Variants in FMNL2 observed in about 807,000 individuals in gnomAD.
FMNL2 encodes the protein formin-like protein 2.
A neutral mutation model predicts 130.2 loss-of-function variants in FMNL2; 51 were observed. The ratio of observed to expected loss-of-function variants is 0.39; its 90% CI spans 0.31 to 0.49. The LOEUF is 0.49. Ranked by LOEUF, FMNL2 falls within the 20% of genes least tolerant of loss-of-function variation. FMNL2 has a pLI of 0.85. For synonymous variants in FMNL2, 465 were observed against 467.1 expected, an observed-to-expected ratio of 1.00 and a Z score of 0.06; for missense variants, 977 against 1,316.2, an observed-to-expected ratio of 0.74 and a Z score of 3.99.
chr2:152,485,999 A>G (rs960228366), intron 1 of FMNL2, among the ~76,000 whole-genome samples: 7 of 152,354 alleles, frequency 4.6e-5, no homozygotes, highest in Admixed American at 1.3e-4. Flanking sequence ...CAAACTTCTC[A>G]TCTCCGAGAA....
chr2:152,630,323 G>T (rs1361512711), intron 20 of FMNL2, among the ~76,000 whole-genome samples: 1 of 152,232 alleles, frequency 6.6e-6, no homozygotes, highest in East Asian at 1.9e-4. Context: ...TGCATGTACA[G>T]TTGAATCTCA....
chr2:152,459,683 A>G (rs1322413690), intron 1 of FMNL2, among the ~76,000 whole-genome samples: 1 of 152,214 alleles, frequency 6.6e-6, no homozygotes, highest in Non-Finnish European at 1.5e-5. Flanking sequence ...CCTATTGTAA[A>G]TAAAAGAAGT....
chr2:152,448,304 A>T (rs1035844539), intron 1 of FMNL2, among the ~76,000 whole-genome samples: 17 of 152,176 alleles, frequency 1.1e-4, no homozygotes, highest in African/African-American at 3.4e-4. Context: ...TTTTTGGATA[A>T]AAGTATTGGA....
chr2:152,533,215 T>C (rs1693804306), intron 2 of FMNL2, among the ~76,000 whole-genome samples: 1 of 152,210 alleles, frequency 6.6e-6, no homozygotes. Context: ...TATGTTTTAG[T>C]CTATAATCTA....
At chr2:152,450,933 G>A (rs1182243468) in intron 1 of FMNL2, among the ~76,000 whole-genome samples, 1 of 152,212 alleles carries the variant, frequency 6.6e-6, no homozygotes, top group African/African-American at 2.4e-5. Context: ...CTGGGATGTG[G>A]CAGGTCGCTG....
Position 152,543,077 on chromosome 2 carries a change from T to G in FMNL2, c.282+258T>G, listed in dbSNP as rs116033563. On this transcript the variant is annotated intron_variant, in intron 3 of 25. Transcript: ENST00000288670. ...TTGTTGAGTCACTGCTATTTCCAAT[T>G]ACGTAGGGCAGTGAGTGCATTCCAG... Among the ~76,000 whole-genome samples the G allele has an allele frequency of 8.5e-3, 1,290 of 152,346 alleles. 17 individuals carry two copies. The highest frequency in any genetic ancestry group is 0.028 in the African/African-American group (1,180 of 41,582).
At chr2:152,385,826 T>C (rs574366531) in intron 1 of FMNL2, among the ~76,000 whole-genome samples, 2 of 152,336 alleles carry the variant, frequency 1.3e-5, no homozygotes, top group East Asian at 3.9e-4. Flanking sequence ...AAGGCTTAAA[T>C]TGTGTTCTTA....
At chr2:152,403,167 C>G (rs535210898) in intron 1 of FMNL2, among the ~76,000 whole-genome samples, 1 of 151,432 alleles carries the variant, frequency 6.6e-6, no homozygotes, top group African/African-American at 2.4e-5. Flanking sequence ...TTATCACATG[C>G]TGATCCTTAT....
intron 1 of FMNL2, among the ~76,000 whole-genome samples, chr2:152,502,134 G>A (rs76175229): frequency 0.073 from 11,135 of 152,200 alleles, 653 homozygotes; most frequent in Admixed American, 0.21. Flanking sequence ...GCGAGGTGGC[G>A]CTAACAGAGT....
chr2:152,594,719 C>T (rs1697659810), intron 9 of FMNL2, among the ~76,000 whole-genome samples: 1 of 152,180 alleles, frequency 6.6e-6, no homozygotes, highest in Non-Finnish European at 1.5e-5. Context: ...GCTCCCCTGT[C>T]CTACCCCAAA....
chr2:152,343,482 G>T (rs923086746), intron 1 of FMNL2, among the ~76,000 whole-genome samples: 2 of 152,090 alleles, frequency 1.3e-5, no homozygotes, highest in South Asian at 4.1e-4. Flanking sequence ...TTTTAGTAGA[G>T]ACAAGGTTTC....
intron 1 of FMNL2, among the ~76,000 whole-genome samples, chr2:152,499,017 T>A (rs1691666497): frequency 6.6e-6 from 1 of 152,218 alleles, no homozygotes; most frequent in South Asian, 2.1e-4. Flanking sequence ...AAAGGGGCCC[T>A]TAGTTAATTA....
At chr2:152,643,162 T>C (rs1048569548) in intron 25 of FMNL2, among the ~76,000 whole-genome samples, 5 of 152,208 alleles carry the variant, frequency 3.3e-5, no homozygotes, top group African/African-American at 1.2e-4. Flanking sequence ...AAGAGGGGAA[T>C]GAGTATCTGT....
At position 152,504,466 on chromosome 2, in the gene FMNL2, C is replaced by T. The variant is rs553095671; in HGVS notation, c.118-17477C>T. On this transcript the variant is annotated intron_variant, in intron 1 of 25. Transcript: ENST00000288670. ...TTCACCATGTTGGTCAGGCTGGTCT[C>T]GAATTCCTGACTTCGTGATCCGCCT... Among the ~76,000 whole-genome samples the T allele has an allele frequency of 1.1e-4, 17 of 151,912 alleles. No homozygotes were observed. In the South Asian group the frequency reaches 3.1e-3, roughly 28 times the overall value.
intron 11 of FMNL2, 84 bp from the exon 12 acceptor site, chr2:152,614,767 A>AAAACAAAAC: frequency 1.7e-6 from 2 of 1,149,090 alleles, no homozygotes; most frequent in Admixed American, 3.4e-5. Context: ...CAAAACAAAA[A>AAAACAAAAC]ACAAAAAAGA....
At chr2:152,481,967 T>C (rs959675299) in intron 1 of FMNL2, among the ~76,000 whole-genome samples, 1 of 152,148 alleles carries the variant, frequency 6.6e-6, no homozygotes. Flanking sequence ...GTCAACTTTA[T>C]GGAAATGGAT....
At chr2:152,526,089 A>AT (rs572677750) in intron 2 of FMNL2, among the ~76,000 whole-genome samples, 3 of 151,840 alleles carry the variant, frequency 2.0e-5, no homozygotes, top group African/African-American at 4.8e-5. Context: ...AGTGTTGGTT[A>AT]TTTTTTTTGA....
chr2:152,622,157 C>A (rs1417863043), intron 15 of FMNL2, among the ~76,000 whole-genome samples: 1 of 152,208 alleles, frequency 6.6e-6, no homozygotes, highest in South Asian at 2.1e-4. Flanking sequence ...GGCTGCTGAG[C>A]AGGTGGAACC....
chr2:152,390,395 G>A, intron 1 of FMNL2: 27 of 1,068,942 alleles, frequency 2.5e-5, no homozygotes, highest in South Asian at 7.5e-5. Context: ...ATAAGATGGA[G>A]TGGTGGAGCT....
Sources: gnomAD v4.1 joint callset for allele counts (sites outside exome capture counted in the v4.1 genomes callset) on GRCh38, gnomAD v4.1.1 for gene constraint, MANE v1.5 for transcripts, NCBI Gene and HGNC (gene_info 2026-07-23, HGNC 2026-07-21) for gene names.